CDK14: variants seen among roughly 807,000 people sequenced by gnomAD.
CDK14 encodes cyclin dependent kinase 14, also known as cyclin-dependent kinase 14.
CDK14 carries 34 observed loss-of-function variants against 60.7 expected under a neutral mutation model. The observed-to-expected ratio is 0.56, with a 90% CI of 0.43 to 0.75. The LOEUF is 0.75. Ranked by LOEUF, CDK14 falls within the 30% of genes least tolerant of loss-of-function variation. CDK14 has a pLI of 0.00. For missense variants in CDK14, 482 were observed against 564.1 expected, an observed-to-expected ratio of 0.85 and a Z score of 1.47; for synonymous variants, 197 against 203.7, an observed-to-expected ratio of 0.97 and a Z score of 0.28.
At chr7:90,969,822 A>G (rs966735751) in intron 9 of CDK14, among the ~76,000 whole-genome samples, 6 of 150,612 alleles carry the variant, frequency 4.0e-5, no homozygotes, top group African/African-American at 1.2e-4. Context: ...GGCATTTCCT[A>G]TTTATATTTT....
intron 11 of CDK14, among the ~76,000 whole-genome samples, chr7:91,047,854 C>A (rs895172647): frequency 1.3e-5 from 2 of 152,076 alleles, no homozygotes; most frequent in Non-Finnish European, 2.9e-5. Context: ...CAAGTCCTTC[C>A]AAGCAGCACT....
chr7:90,983,914 C>T lies in CDK14; in HGVS notation c.948-234C>T, dbSNP rs548242151. On this transcript the variant is annotated intron_variant, in intron 9 of 14. Coordinates refer to ENST00000380050, the MANE Select transcript of CDK14 (RefSeq NM_001287135.2). ...AGGGTTAACAAACTATTGGGTACTACGTTCAGTACCTGGATGATGGGATCA... is the reference window on the plus strand; with the variant it reads ...AGGGTTAACAAACTATTGGGTACTATGTTCAGTACCTGGATGATGGGATCA... Among the ~76,000 whole-genome samples, 9 of 152,196 alleles carry T rather than the reference C, an allele frequency of 5.9e-5. No individual in the cohort carries two copies. The East Asian group carries it at 1.5e-3, about 26-fold the overall frequency.
intron 6 of CDK14, among the ~76,000 whole-genome samples, chr7:90,871,272 C>G (rs868851209): frequency 6.6e-6 from 1 of 151,730 alleles, no homozygotes; most frequent in Non-Finnish European, 1.5e-5. Context: ...ATAAGTAAAA[C>G]GGTATATTTG....
intron 11 of CDK14, among the ~76,000 whole-genome samples, chr7:91,069,793 A>C (rs1036621635): frequency 1.3e-5 from 2 of 152,086 alleles, no homozygotes; most frequent in Admixed American, 6.5e-5. Context: ...CATTTTTTAA[A>C]ATTTTTTGTT....
At chr7:90,693,046 G>T (rs1197866626) in intron 2 of CDK14, among the ~76,000 whole-genome samples, 1 of 152,132 alleles carries the variant, frequency 6.6e-6, no homozygotes, top group African/African-American at 2.4e-5. Flanking sequence ...ATGAATGAAA[G>T]AATCCGTCTT....
intron 14 of CDK14, among the ~76,000 whole-genome samples, chr7:91,128,531 C>T (rs1195284821): frequency 1.3e-5 from 2 of 151,890 alleles, no homozygotes; most frequent in East Asian, 3.9e-4. Context: ...TCACAGAAAC[C>T]CAATTTGTTA....
intron 4 of CDK14, among the ~76,000 whole-genome samples, chr7:90,779,457 T>C (rs1021755168): frequency 6.6e-6 from 1 of 152,158 alleles, no homozygotes; most frequent in Non-Finnish European, 1.5e-5. Context: ...TTTTGCTGTG[T>C]GGCCCAGGCA....
chr7:91,086,256 A>G (rs1798635784), intron 12 of CDK14, among the ~76,000 whole-genome samples: 1 of 152,240 alleles, frequency 6.6e-6, no homozygotes, highest in African/African-American at 2.4e-5. Flanking sequence ...CAATAAGCAT[A>G]ATAAATCTGC....
intron 6 of CDK14, among the ~76,000 whole-genome samples, chr7:90,888,916 A>G (rs1431894015): frequency 2.0e-5 from 3 of 152,344 alleles, no homozygotes; most frequent in Non-Finnish European, 4.4e-5. Context: ...AGGCTTGTGA[A>G]TGGTTTGCCA....
chr7:90,826,656 T>A (rs921402723), intron 5 of CDK14, among the ~76,000 whole-genome samples: 4 of 152,186 alleles, frequency 2.6e-5, no homozygotes, highest in Non-Finnish European at 4.4e-5. Flanking sequence ...AAAAATTTTT[T>A]AAATTATGTT....
chr7:90,736,954 G>A (rs1054024567), intron 3 of CDK14, among the ~76,000 whole-genome samples: 1 of 152,088 alleles, frequency 6.6e-6, no homozygotes, highest in Non-Finnish European at 1.5e-5. Context: ...TTCAGATAGT[G>A]GCACTTTAAA....
chr7:91,191,628 G>A (rs1183879661), intron 14 of CDK14, among the ~76,000 whole-genome samples: 3 of 151,736 alleles, frequency 2.0e-5, no homozygotes, highest in Non-Finnish European at 4.4e-5. Context: ...TGGGGGGGTG[G>A]GATGTGTTTA....
intron 2 of CDK14, among the ~76,000 whole-genome samples, chr7:90,647,863 T>C (rs757588034): frequency 1.4e-4 from 22 of 152,136 alleles, no homozygotes; most frequent in Middle Eastern, 6.8e-3. Context: ...ATTAAAAAAA[T>C]AGATAAGAAA....
chr7:90,960,440 A>G (rs1794567946), intron 9 of CDK14, among the ~76,000 whole-genome samples: 1 of 152,162 alleles, frequency 6.6e-6, no homozygotes, highest in Non-Finnish European at 1.5e-5. Context: ...AAGCCTGTCA[A>G]ATGTAATGAG....
At chr7:90,680,432 A>G (rs1264754976) in intron 2 of CDK14, among the ~76,000 whole-genome samples, 1 of 152,216 alleles carries the variant, frequency 6.6e-6, no homozygotes, top group East Asian at 1.9e-4. Flanking sequence ...ATAGAAGAGC[A>G]CCAGTTTTTC....
intron 10 of CDK14, among the ~76,000 whole-genome samples, chr7:91,022,144 G>A (rs963128709): frequency 3.3e-5 from 5 of 152,216 alleles, no homozygotes; most frequent in African/African-American, 7.2e-5. Flanking sequence ...GCCAGAGGCT[G>A]AGGGACTGTG....
At chr7:90,893,570 G>T (rs1052647891) in intron 6 of CDK14, among the ~76,000 whole-genome samples, 1 of 152,118 alleles carries the variant, frequency 6.6e-6, no homozygotes, top group Non-Finnish European at 1.5e-5. Context: ...TGTATTTCTG[G>T]ATAAGTGCAA....
intron 14 of CDK14, among the ~76,000 whole-genome samples, chr7:91,122,219 C>A (rs1281105100): frequency 6.6e-6 from 1 of 151,996 alleles, no homozygotes; most frequent in African/African-American, 2.4e-5. Flanking sequence ...GTTTTGGTGA[C>A]CCTCTCCTTA....
At chr7:91,153,910 C>CA (rs1174499004) in intron 14 of CDK14, among the ~76,000 whole-genome samples, 1 of 151,798 alleles carries the variant, frequency 6.6e-6, no homozygotes, top group Non-Finnish European at 1.5e-5. Flanking sequence ...ATTAAGTTGA[C>CA]AAAAAAACAA....
Sources: allele counts gnomAD v4.1 joint callset (sites outside exome capture counted in the v4.1 genomes callset), GRCh38; gene constraint gnomAD v4.1.1; transcripts MANE v1.5; gene names NCBI Gene and HGNC (gene_info 2026-07-23, HGNC 2026-07-21).